The following SPIDR variants were observed in gnomAD, a reference collection of about 807,000 sequenced individuals.
SPIDR encodes DNA repair-scaffolding protein.
SPIDR carries 93 observed loss-of-function variants against 104.6 expected under a neutral mutation model. That is an observed-to-expected ratio of 0.89 (90% CI 0.75 to 1.06). The LOEUF (loss-of-function observed/expected upper bound fraction) is 1.06. SPIDR is among the 50% of genes least tolerant of loss of function. The probability of loss-of-function intolerance (pLI) is 0.00; values close to 1 mark genes in which losing one functional copy is unlikely to be tolerated. For missense variants in SPIDR, 1,154 were observed against 1,111.2 expected (o/e 1.04, Z -0.55); for synonymous variants, 431 against 416.9 (o/e 1.03, Z -0.41).
chr8:47,372,662 T>G (rs1460401195), intron 5 of SPIDR, among the ~76,000 whole-genome samples: 2 of 151,964 alleles, frequency 1.3e-5, no homozygotes. Flanking sequence ...TATAATAATT[T>G]TATAATGTCT....
intron 3 of SPIDR, among the ~76,000 whole-genome samples, chr8:47,285,925 C>T (rs1268259517): frequency 6.6e-6 from 1 of 152,138 alleles, no homozygotes; most frequent in African/African-American, 2.4e-5. Flanking sequence ...AATATTTATC[C>T]TACGGTTCCA....
chr8:47,676,948 C>T (rs1192832734), intron 11 of SPIDR, among the ~76,000 whole-genome samples: 8 of 152,206 alleles, frequency 5.3e-5, no homozygotes, highest in African/African-American at 7.2e-5. Context: ...GTTTCTCTGA[C>T]GGACTAATTT....
intron 1 of SPIDR, among the ~76,000 whole-genome samples, chr8:47,266,817 T>G (rs1325455726): frequency 2.0e-5 from 3 of 152,212 alleles, no homozygotes; most frequent in Non-Finnish European, 4.4e-5. Context: ...TTTACAGAGT[T>G]GTACAAATGT....
At chr8:47,591,805 C>T (rs960050377) in intron 8 of SPIDR, among the ~76,000 whole-genome samples, 3 of 152,032 alleles carry the variant, frequency 2.0e-5, no homozygotes, top group African/African-American at 7.2e-5. Context: ...TAAAGAAAAA[C>T]ACGCACATCC....
intron 5 of SPIDR, among the ~76,000 whole-genome samples, chr8:47,321,965 A>C (rs1477164461): frequency 6.6e-6 from 1 of 152,188 alleles, no homozygotes; most frequent in Non-Finnish European, 1.5e-5. Flanking sequence ...TAAAGACTTA[A>C]ATGTTAGACC....
intron 8 of SPIDR, among the ~76,000 whole-genome samples, chr8:47,502,922 G>A (rs373789866): frequency 1.3e-5 from 2 of 152,140 alleles, no homozygotes; most frequent in Admixed American, 6.5e-5. Flanking sequence ...AGCACGTTGT[G>A]CAGTTTCCAT....
intron 11 of SPIDR, 146 bp from the exon 12 acceptor site, chr8:47,700,257 T>C: frequency 1.2e-6 from 1 of 833,326 alleles, no homozygotes; most frequent in Non-Finnish European, 2.1e-6. Context: ...CTGTGTGCCT[T>C]CTTCCCCCTC....
intron 8 of SPIDR, among the ~76,000 whole-genome samples, chr8:47,567,325 T>A (rs1197510409): frequency 6.6e-6 from 1 of 152,038 alleles, no homozygotes; most frequent in Non-Finnish European, 1.5e-5. Context: ...GTTCAAGCAA[T>A]TCTCCTGCCT....
intron 1 of SPIDR, among the ~76,000 whole-genome samples, chr8:47,268,937 C>T (rs2034663734): frequency 2.6e-5 from 4 of 151,988 alleles, no homozygotes; most frequent in South Asian, 2.1e-4. Context: ...GAGGCTGAGG[C>T]GGGTGGATCA....
intron 16 of SPIDR, among the ~76,000 whole-genome samples, chr8:47,720,796 T>C (rs949709894): frequency 6.6e-6 from 1 of 152,114 alleles, no homozygotes; most frequent in African/African-American, 2.4e-5. Flanking sequence ...CTCTCTCTGT[T>C]GCCCAGGCTG....
At chr8:47,311,118 G>A (rs587650097) in intron 5 of SPIDR, among the ~76,000 whole-genome samples, 2 of 152,186 alleles carry the variant, frequency 1.3e-5, no homozygotes, top group Non-Finnish European at 2.9e-5. Flanking sequence ...GCTGAAAAAT[G>A]GAAACTAGGT....
intron 5 of SPIDR, among the ~76,000 whole-genome samples, chr8:47,335,717 G>T (rs1197458629): frequency 6.6e-6 from 1 of 152,082 alleles, no homozygotes; most frequent in Non-Finnish European, 1.5e-5. Flanking sequence ...TCCCAAAGTG[G>T]GGATTACAGG....
intron 5 of SPIDR, among the ~76,000 whole-genome samples, chr8:47,297,871 G>C (rs1362622614): frequency 6.6e-6 from 1 of 152,114 alleles, no homozygotes; most frequent in Non-Finnish European, 1.5e-5. Flanking sequence ...TGGACATTTG[G>C]GTTGCTTCCA....
At chr8:47,264,071 C>A (rs1246717815) in intron 1 of SPIDR, among the ~76,000 whole-genome samples, 1 of 152,136 alleles carries the variant, frequency 6.6e-6, no homozygotes, top group South Asian at 2.1e-4. Context: ...GGAGGAAATA[C>A]CCTAGTCCGA....
intron 15 of SPIDR, 153 bp from the exon 16 acceptor site, chr8:47,713,336 G>C: frequency 1.9e-6 from 2 of 1,066,968 alleles, no homozygotes; most frequent in East Asian, 4.8e-5. Context: ...TGGGGTTCAG[G>C]AGTGTGCACA....
At chr8:47,296,460 T>G (rs951125620) in intron 5 of SPIDR, among the ~76,000 whole-genome samples, 2 of 152,112 alleles carry the variant, frequency 1.3e-5, no homozygotes, top group Non-Finnish European at 2.9e-5. Flanking sequence ...GAGATAAGGG[T>G]CTAATTTCTT....
intron 10 of SPIDR, among the ~76,000 whole-genome samples, chr8:47,658,096 G>A (rs1189124338): frequency 6.0e-5 from 9 of 150,376 alleles, no homozygotes; most frequent in Non-Finnish European, 4.4e-5. Flanking sequence ...CTTTGAAAAC[G>A]TGTTCCATGG....
chr8:47,486,046 A>G (rs1352378345), intron 8 of SPIDR, among the ~76,000 whole-genome samples: 2 of 152,228 alleles, frequency 1.3e-5, no homozygotes, highest in Admixed American at 6.5e-5. Flanking sequence ...CAGATGATCA[A>G]ACTTCTCTGA....
chr8:47,581,528 C>A (rs948468911), intron 8 of SPIDR, among the ~76,000 whole-genome samples: 1 of 152,038 alleles, frequency 6.6e-6, no homozygotes, highest in Non-Finnish European at 1.5e-5. Flanking sequence ...AGTATCTCTC[C>A]CTGTATAAGG....
Sources: allele counts gnomAD v4.1 joint callset (sites outside exome capture counted in the v4.1 genomes callset), GRCh38; gene constraint gnomAD v4.1.1; transcripts MANE v1.5; gene names NCBI Gene and HGNC (gene_info 2026-07-23, HGNC 2026-07-21).